Variants in CNIH3 observed in about 807,000 individuals in gnomAD.
CNIH3 encodes the protein cornichon family AMPA receptor auxiliary protein 3, also known as protein cornichon homolog 3.
Under a neutral mutation model 24.1 loss-of-function variants are expected in CNIH3, and 14 were observed. The ratio of observed to expected loss-of-function variants is 0.58; its 90% confidence interval spans 0.38 to 0.91. CNIH3 has a LOEUF of 0.91. CNIH3 is among the 40% of genes least tolerant of loss of function. The pLI, the probability that CNIH3 is intolerant of heterozygous loss-of-function variation, is 0.00. For synonymous variants in CNIH3, 68 were observed against 73.8 expected (o/e 0.92, Z 0.40); for missense variants, 178 against 196.8 (o/e 0.90, Z 0.57).
At chr1:224,709,033 T>A (rs1028232959) in intron 3 of CNIH3, among the ~76,000 whole-genome samples, 1 of 152,068 alleles carries the variant, frequency 6.6e-6, no homozygotes, top group Non-Finnish European at 1.5e-5. Flanking sequence ...TCAGCTGGAG[T>A]GGGTAGCTGA....
intron 3 of CNIH3, among the ~76,000 whole-genome samples, chr1:224,550,256 C>A (rs571797606): frequency 5.2e-4 from 79 of 151,822 alleles, no homozygotes; most frequent in Non-Finnish European, 1.0e-3. Context: ...AAAATAGGTG[C>A]GATGATATTT....
chr1:224,529,217 T>C (rs890535539), intron 2 of CNIH3: 13 of 152,264 alleles, frequency 8.5e-5, no homozygotes, highest in African/African-American at 2.7e-4. Flanking sequence ...ACTTTGTTTG[T>C]GTTACACTGG....
At chr1:224,531,426 G>A (rs1169182544) in intron 2 of CNIH3, among the ~76,000 whole-genome samples, 1 of 152,174 alleles carries the variant, frequency 6.6e-6, no homozygotes, top group Non-Finnish European at 1.5e-5. Flanking sequence ...CCCCACCTAC[G>A]GTGTCTGGAA....
upstream of CNIH3, among the ~76,000 whole-genome samples, chr1:224,612,086 T>A (rs1411207459): frequency 1.3e-5 from 2 of 152,190 alleles, no homozygotes; most frequent in African/African-American, 4.8e-5. This position sits in a 1 kb window ranked among gnomAD's most constrained non-coding sequence, Gnocchi z 4.7. Context: ...TGGATTCCAT[T>A]TTTAAATTTG....
chr1:224,600,382 G>A (rs544267020), intron 3 of CNIH3, among the ~76,000 whole-genome samples: 2 of 152,206 alleles, frequency 1.3e-5, no homozygotes, highest in South Asian at 4.2e-4. Context: ...AGTAGAGACG[G>A]TGTTTCTCCT....
chr1:224,730,513 T>G lies in CNIH3; in HGVS notation c.250T>G (p.Cys84Gly). Residue 84 changes from cysteine to glycine, a missense_variant, in exon 4 of 6, where the codon TGT becomes GGT. Cys to Gly is a radical substitution (Grantham distance 159, BLOSUM62 -3). Transcript: ENST00000272133. The part of the protein sequence containing the change: ...IHSLFCIMFL[C>G]AQEWLTLGLN... ...TAGCCTCTTCTGCATTATGTTCCTG[T>G]GTGCGCAAGAGTGGCTCACGCTGGG... The G allele has an allele frequency of 6.4e-7, 1 of 1,562,478 alleles. No individual in the cohort carries two copies. The highest frequency in any genetic ancestry group is 8.7e-7 in the Non-Finnish European group (1 of 1,151,828).
chr1:224,566,876 A>G (rs1460488527), intron 4 of CNIH3, among the ~76,000 whole-genome samples: 3 of 152,228 alleles, frequency 2.0e-5, no homozygotes, highest in Admixed American at 2.0e-4. Context: ...TTCTTTGGGT[A>G]TATACCCAGT....
chr1:224,617,344 G>A, intron 1 of CNIH3, 89 bp downstream of exon 1: 20 of 1,413,088 alleles, frequency 1.4e-5, no homozygotes, highest in Non-Finnish European at 2.0e-5. Flanking sequence ...TTGCGGGCGT[G>A]GGCGAACCGG....
chr1:224,526,118 T>C (rs1678835267), intron 2 of CNIH3, among the ~76,000 whole-genome samples: 1 of 152,172 alleles, frequency 6.6e-6, no homozygotes. Flanking sequence ...TACAGTTACA[T>C]TTGCTGGTTT....
chr1:224,472,335 A>C (rs1041820340), intron 1 of CNIH3, among the ~76,000 whole-genome samples: 1 of 152,242 alleles, frequency 6.6e-6, no homozygotes, highest in African/African-American at 2.4e-5. Flanking sequence ...TTGCACATGC[A>C]TGTTTATAGC....
At chr1:224,661,495 C>T in intron 1 of CNIH3, 1 of 279,762 alleles carries the variant, frequency 3.6e-6, no homozygotes. Context: ...TCAGCTTCTG[C>T]TCCCTTGGGG....
chr1:224,717,555 A>G (rs1688491371), intron 3 of CNIH3: 1 of 152,246 alleles, frequency 6.6e-6, no homozygotes, highest in African/African-American at 2.4e-5. Flanking sequence ...CTTTGACCCT[A>G]TTATGCTTAT....
intron 3 of CNIH3, among the ~76,000 whole-genome samples, chr1:224,701,977 G>A (rs1299141500): frequency 6.6e-6 from 1 of 152,060 alleles, no homozygotes; most frequent in Non-Finnish European, 1.5e-5. Context: ...CCCCACCCTT[G>A]TCCTTCCTAA....
intron 1 of CNIH3, among the ~76,000 whole-genome samples, chr1:224,451,379 T>G (rs1675391968): frequency 6.6e-6 from 1 of 152,212 alleles, no homozygotes; most frequent in South Asian, 2.1e-4. Context: ...GTACTAGAGA[T>G]CCATACTTTT....
Position 224,616,554 on chromosome 1 carries a change from G to A in CNIH3, c.-621G>A. 1.0e-6 allele frequency: 1 copy of A among 987,000 alleles called. No individual in the cohort carries two copies. The highest frequency in any genetic ancestry group is 1.7e-5 in the African/African-American group (1 of 57,390). The allele number at this position is 987,000 out of a possible 1,614,324, so 61.1% of individuals were successfully genotyped here. On this transcript the variant is annotated 5_prime_UTR_variant, in exon 1 of 6. Transcript: ENST00000272133. ...CTCGGAGCGCACGGCTGCGCTGGAA[G>A]CCGCGTCTGGGGCGCAGGACCAACG...
intron 3 of CNIH3, among the ~76,000 whole-genome samples, chr1:224,610,075 TA>T (rs1323361269): frequency 3.9e-5 from 6 of 152,262 alleles, no homozygotes; most frequent in Non-Finnish European, 7.3e-5. Context: ...TGACATGAGA[TA>T]TTCAATACTT....
At chr1:224,436,266 C>T (rs1441406384) in intron 1 of CNIH3, among the ~76,000 whole-genome samples, 1 of 152,160 alleles carries the variant, frequency 6.6e-6, no homozygotes, top group African/African-American at 2.4e-5. Flanking sequence ...CTGTATCCAG[C>T]AGAGCCTGAA....
At chr1:224,435,200 CA>C in intron 1 of CNIH3, 1 of 986,484 alleles carries the variant, frequency 1.0e-6, no homozygotes, top group Non-Finnish European at 1.2e-6. Context: ...GAGGATGGGG[CA>C]GGGGGCTAGG....
At chr1:224,527,882 A>G (rs928768216) in intron 2 of CNIH3, among the ~76,000 whole-genome samples, 1 of 152,248 alleles carries the variant, frequency 6.6e-6, no homozygotes, top group African/African-American at 2.4e-5. Context: ...ACATATATCT[A>G]TATCTATACA....
Sources: allele counts gnomAD v4.1 joint callset (sites outside exome capture counted in the v4.1 genomes callset), GRCh38; gene constraint gnomAD v4.1.1; non-coding constraint Gnocchi (gnomAD v3.1); transcripts MANE v1.5; gene names NCBI Gene and HGNC (gene_info 2026-07-23, HGNC 2026-07-21).